Variants in NYNRIN observed in about 807,000 individuals in gnomAD.
The protein encoded by NYNRIN is protein NYNRIN.
A neutral mutation model predicts 146.6 loss-of-function variants in NYNRIN; 86 were observed. The ratio of observed to expected loss-of-function variants is 0.59; its 90% CI spans 0.49 to 0.70. The LOEUF is 0.70. Among genes scored for constraint, NYNRIN ranks in the 30% least tolerant of loss-of-function variants. NYNRIN has a pLI of 0.00. For missense variants in NYNRIN, 2,191 were observed against 2,377.7 expected, an observed-to-expected ratio of 0.92 and a Z score of 1.63; for synonymous variants, 1,027 against 1,001.3, an observed-to-expected ratio of 1.03 and a Z score of -0.48.
chr14:24,415,866 G>T lies in NYNRIN; in HGVS notation c.4117G>T (p.Val1373Phe), dbSNP rs2042941788. Residue 1373 changes from valine (V) to phenylalanine (F), a missense_variant, in exon 9 of 9, where the codon GTT becomes TTT. This residue lies in a region of NYNRIN where 1,291 missense variants were observed against 1,417.0 expected (regional missense o/e 0.91). Coordinates refer to ENST00000382554, the MANE Select transcript of NYNRIN (RefSeq NM_025081.3). ...CTTTGGCCAGTCCCCACTCCCAGTG[G>T]TTTTCCTCACTCACTGCAACTGGAT... ...ERFGQSPLPV[V>F]FLTHCNWIFS... 1 of 1,613,966 alleles carries T rather than the reference G, an allele frequency of 6.2e-7. No homozygotes were observed. The highest frequency in any genetic ancestry group is 1.3e-5 in the African/African-American group (1 of 75,048).
intron 4 of NYNRIN, 134 bp from the exon 5 acceptor site, chr14:24,410,938 AGAAT>A (rs777313541): frequency 8.1e-5 from 85 of 1,049,876 alleles, no homozygotes; most frequent in Non-Finnish European, 1.1e-4. Flanking sequence ...AGGTGCTCAC[AGAAT>A]GTCTGAGTAT....
At chr14:24,410,896 CACAG>C (rs1027588986) in intron 4 of NYNRIN, among the ~76,000 whole-genome samples, 176 bp from the exon 5 acceptor site, 11 of 152,226 alleles carry the variant, frequency 7.2e-5, no homozygotes, top group African/African-American at 2.7e-4. Flanking sequence ...CGCGCACACA[CACAG>C]AGTTTCTGGC....
intron 2 of NYNRIN, among the ~76,000 whole-genome samples, chr14:24,403,870 T>C (rs1291200267): frequency 2.0e-5 from 3 of 152,226 alleles, no homozygotes; most frequent in Non-Finnish European, 2.9e-5. Flanking sequence ...TTGGCTGATA[T>C]TGAATTATAA....
At position 24,417,131 on chromosome 14, in the gene NYNRIN, G is replaced by C. The variant is rs549665030; in HGVS notation, c.5382G>C (p.Val1794=). The stretch of plus-strand genomic sequence containing the variant: ...TGGACGTCTTCCTGCTACAGCTGGT[G>C]GGGGAGCTGCTGGAGCTCCACTGGA... ...LKMDVFLLQL[V]GELLELHWRV... Residue 1794 remains valine, a synonymous_variant, in exon 9 of 9, where the codon GTG becomes GTC. Transcript: ENST00000382554. 8.7e-6 allele frequency: 14 copies of C among 1,613,942 alleles called. No homozygotes were observed. The highest frequency in any genetic ancestry group is 1.3e-5 in the African/African-American group (1 of 75,054).
chr14:24,411,346 AC>A lies in NYNRIN; in HGVS notation c.2546-3del, dbSNP rs1566486046. 1 of 1,613,366 alleles carries A rather than the reference AC, an allele frequency of 6.2e-7. No homozygotes were observed. The highest frequency in any genetic ancestry group is 1.1e-5 in the South Asian group (1 of 91,038). ...TGACCATTTCTGTCTTCTGCCTTTC[AC>A]CCCCAGAGAGCCACTTTCTGACGAA... is the stretch of plus-strand genomic sequence containing the variant. On this transcript the variant is annotated splice_region_variant and splice_polypyrimidine_tract_variant and intron_variant, in intron 5 of 8. Coordinates refer to ENST00000382554, the MANE Select transcript of NYNRIN (RefSeq NM_025081.3). The surrounding 1 kb of genome is among the most constrained non-coding windows in gnomAD (Gnocchi z 4.3).
intron 2 of NYNRIN, among the ~76,000 whole-genome samples, chr14:24,401,508 C>T (rs1009009783): frequency 2.6e-5 from 4 of 152,202 alleles, no homozygotes; most frequent in Middle Eastern, 3.4e-3. Flanking sequence ...AAGTTACAAC[C>T]AAGATAGGAG....
intron 2 of NYNRIN, among the ~76,000 whole-genome samples, chr14:24,405,941 C>T (rs1215287842): frequency 1.3e-5 from 2 of 151,892 alleles, no homozygotes; most frequent in Non-Finnish European, 2.9e-5. Context: ...GCGGGTGGAT[C>T]GCGTGAGGTC....
In NYNRIN at chr14:24,399,324, G is replaced by T. The variant is rs372383842; in HGVS notation, c.78G>T (p.Arg26=). Residue 26 remains arginine, a synonymous_variant, in exon 2 of 9, where the codon CGG becomes CGT. Coordinates refer to ENST00000382554, the MANE Select transcript of NYNRIN (RefSeq NM_025081.3). ...VQTKSKPRVQ[R]QRLQVQRIFR... The stretch of plus-strand genomic sequence containing the variant: ...CAAAATCGAAGCCTCGGGTGCAGCG[G>T]CAGCGGCTGCAAGTGCAGCGCATCT... 3 of 1,613,684 alleles carry T rather than the reference G, an allele frequency of 1.9e-6. No homozygotes were observed. Among genetic ancestry groups the T allele is most frequent in the Non-Finnish European group, 2.5e-6 (3 of 1,179,842 alleles).
Position 24,408,868 on chromosome 14 carries a change from A to G in NYNRIN, c.1074A>G (p.Pro358=), listed in dbSNP as rs2042892472. Residue 358 remains proline (P), a synonymous_variant, in exon 4 of 9, where the codon CCA becomes CCG. Coordinates refer to ENST00000382554, the MANE Select transcript of NYNRIN (RefSeq NM_025081.3). The stretch of plus-strand genomic sequence containing the variant: ...GGACCCCGGGGCCAGCCTTTGGGCC[A>G]TTGTGGCCGGGGGCTATTGCTGCAA... ...KAWTPGPAFG[P]LWPGAIAATF... The G allele has an allele frequency of 6.2e-7, 1 of 1,613,886 alleles. No individual in the cohort carries two copies. Among genetic ancestry groups the G allele is most frequent in the African/African-American group, 1.3e-5 (1 of 74,942 alleles).
rs1262025550 is a variant in NYNRIN at position 24,416,393 on chromosome 14, G to A, written c.4644G>A (p.Val1548=). Residue 1548 remains valine, a synonymous_variant, in exon 9 of 9, where the codon GTG becomes GTA. Coordinates refer to ENST00000382554, the MANE Select transcript of NYNRIN (RefSeq NM_025081.3). ...TCCGGAGGGATCTGATTTTCTCTGT[G>A]CATGACATTCCCTTGGGGGCCCACC... is the stretch of plus-strand genomic sequence containing the variant. The part of the protein sequence containing the change: ...TQLRRDLIFS[V]HDIPLGAHQR... 1.2e-6 allele frequency: 2 copies of A among 1,612,992 alleles called. No individual in the cohort carries two copies. The highest frequency in any genetic ancestry group is 4.5e-5 in the East Asian group (2 of 44,856).
Position 24,408,094 on chromosome 14 carries a change from C to A in NYNRIN, c.424C>A (p.Arg142Ser). 6.2e-7 allele frequency: 1 copy of A among 1,612,776 alleles called. No homozygotes were observed. Among genetic ancestry groups the A allele is most frequent in the Non-Finnish European group, 8.5e-7 (1 of 1,179,672 alleles). The change falls in exon 3 of 9, where the codon CGC (arginine) becomes AGC (serine). Residue 142 changes from arginine (R) to serine (S), a missense_variant. Around this residue, in one of 3 missense-constraint regions of NYNRIN, gnomAD observed 895 missense variants for 941.2 expected, o/e 0.95. Coordinates refer to ENST00000382554, the MANE Select transcript of NYNRIN (RefSeq NM_025081.3). ...NWLEELVGRL[R>S]WGPAPLLTPR... ...GCTGGAGGAGCTGGTGGGGCGACTG[C>A]GCTGGGGCCCTGCCCCTCTGCTGAC...
At position 24,409,075 on chromosome 14, in the gene NYNRIN, A is replaced by G. The variant is rs765536436; in HGVS notation, c.1281A>G (p.Ala427=). ...KQKELAPLPS[A]ESPAGRPDGG... ...AGGAGCTGGCTCCTCTGCCTAGTGC[A>G]GAAAGCCCAGCTGGTAGACCAGATG... The change falls in exon 4 of 9, where the codon GCA becomes GCG. Residue 427 remains alanine, a synonymous_variant. Coordinates refer to ENST00000382554, the MANE Select transcript of NYNRIN (RefSeq NM_025081.3). 2 of 1,613,590 alleles carry G rather than the reference A, an allele frequency of 1.2e-6. No homozygotes were observed. Among genetic ancestry groups the G allele is most frequent in the African/African-American group, 1.3e-5 (1 of 75,062 alleles).
At position 24,409,933 on chromosome 14, in the gene NYNRIN, A is replaced by T. The variant is rs1349543193; in HGVS notation, c.2139A>T (p.Leu713Phe). 11 of 1,613,654 alleles carry T rather than the reference A, an allele frequency of 6.8e-6. No homozygotes were observed. Among genetic ancestry groups the T allele is most frequent in the Non-Finnish European group, 9.3e-6 (11 of 1,179,744 alleles). ...CTACATCAAGGGCTAGTGTCTCCTTACTGAAGGGCCAGGGGCAGGCTGGAA... is the reference window on the plus strand; with the variant it reads ...CTACATCAAGGGCTAGTGTCTCCTTTCTGAAGGGCCAGGGGCAGGCTGGAA... ...VQPTSRASVS[L>F]LKGQGQAGRQ... The change falls in exon 4 of 9, where the codon TTA becomes TTT. Residue 713 changes from leucine to phenylalanine, a missense_variant. By Grantham distance (22) the Leu-to-Phe change is conservative (BLOSUM62 0). Coordinates refer to ENST00000382554, the MANE Select transcript of NYNRIN (RefSeq NM_025081.3).
At chr14:24,404,717 T>A (rs756659193) in intron 2 of NYNRIN, among the ~76,000 whole-genome samples, 1 of 152,230 alleles carries the variant, frequency 6.6e-6, no homozygotes, top group African/African-American at 2.4e-5. Flanking sequence ...TTTAAGTCTC[T>A]GCTCTTGGGC....
Position 24,409,080 on chromosome 14 carries a change from G to C in NYNRIN, c.1286G>C (p.Ser429Thr). Residue 429 changes from serine to threonine, a missense_variant, in exon 4 of 9, where the codon AGC becomes ACC. Around this residue, in one of 3 missense-constraint regions of NYNRIN, gnomAD observed 895 missense variants for 941.2 expected, o/e 0.95. Coordinates refer to ENST00000382554, the MANE Select transcript of NYNRIN (RefSeq NM_025081.3). ...CTGGCTCCTCTGCCTAGTGCAGAAA[G>C]CCCAGCTGGTAGACCAGATGGGGGG... The part of the protein sequence containing the change: ...KELAPLPSAE[S>T]PAGRPDGGLG... 1 of 1,613,612 alleles carries C rather than the reference G, an allele frequency of 6.2e-7. No homozygotes were observed. The highest frequency in any genetic ancestry group is 2.2e-5 in the East Asian group (1 of 44,868).
rs750823890 is a variant in NYNRIN, at chr14:24,409,708, A to G, written c.1914A>G (p.Ala638=). 3.1e-6 allele frequency: 5 copies of G among 1,606,294 alleles called. No individual in the cohort carries two copies. Among genetic ancestry groups the G allele is most frequent in the African/African-American group, 1.3e-5 (1 of 74,842 alleles). The change falls in exon 4 of 9, where the codon GCA becomes GCG. Residue 638 remains alanine, a synonymous_variant. Transcript: ENST00000382554. ...TGCCTGTAGCAAAAACATCACCTGCAGGTCCCAAAACACCCAAAGCTCAAG... is the reference window on the plus strand; with the variant it reads ...TGCCTGTAGCAAAAACATCACCTGCGGGTCCCAAAACACCCAAAGCTCAAG... ...QKMPVAKTSP[A]GPKTPKAQAG... is the part of the protein sequence containing the mutation.
In NYNRIN at chr14:24,413,444, C is replaced by A. The variant is rs747736677; in HGVS notation, c.2846+27C>A. On this transcript the variant is annotated intron_variant, in intron 8 of 8. Transcript: ENST00000382554. The stretch of plus-strand genomic sequence containing the variant: ...TAATAGGTCAGACCTCCCCAGCCTC[C>A]CAGGCCCTCCTGGGGCTGATCGGAA... 4 of 1,513,964 alleles carry A rather than the reference C, an allele frequency of 2.6e-6. No homozygotes were observed. The East Asian group carries it at 9.2e-5, about 35-fold the overall frequency. 93.8% of individuals were successfully genotyped at this position (1,513,964 alleles called of 1,614,324 possible).
Position 24,403,700 on chromosome 14 carries a change from A to G in NYNRIN, c.199-4169A>G, listed in dbSNP as rs151219583. Among the ~76,000 whole-genome samples, 848 of 152,244 alleles carry G rather than the reference A, an allele frequency of 5.6e-3. 10 individuals are homozygous for G. Among genetic ancestry groups the G allele is most frequent in the African/African-American group, 0.019 (772 of 41,564 alleles). On this transcript the variant is annotated intron_variant, in intron 2 of 8. Coordinates refer to ENST00000382554, the MANE Select transcript of NYNRIN (RefSeq NM_025081.3). ...GTCGAATGGATGAATAAATTCTGAGATTTCTCTTCACCGTCATCCTGGAGA... is the reference window on the plus strand; with the variant it reads ...GTCGAATGGATGAATAAATTCTGAGGTTTCTCTTCACCGTCATCCTGGAGA...
chr14:24,416,291 C>G lies in NYNRIN; in HGVS notation c.4542C>G (p.Leu1514=), dbSNP rs1171633495. ...SSPFSSAFNS[L]SLDKESGLLM... The stretch of plus-strand genomic sequence containing the variant: ...CGTTTAGTTCTGCCTTTAACTCACT[C>G]AGCCTCGACAAGGAGAGTGGCCTGC... Residue 1514 remains leucine (L), a synonymous_variant, in exon 9 of 9, where the codon CTC becomes CTG. Transcript: ENST00000382554. 8 of 1,613,862 alleles carry G rather than the reference C, an allele frequency of 5.0e-6. No individual in the cohort carries two copies. Among genetic ancestry groups the G allele is most frequent in the Non-Finnish European group, 6.8e-6 (8 of 1,179,844 alleles).
Sources: gnomAD v4.1 joint callset for allele counts (sites outside exome capture counted in the v4.1 genomes callset) on GRCh38, gnomAD v4.1.1 for gene constraint, gnomAD v4.1.1 regional missense constraint, Gnocchi (gnomAD v3.1) non-coding constraint, MANE v1.5 for transcripts, NCBI Gene and HGNC (gene_info 2026-07-23, HGNC 2026-07-21) for gene names.